The following FHIT variants were observed in gnomAD, a reference collection of about 807,000 sequenced individuals.
The protein encoded by FHIT is bis(5'-adenosyl)-triphosphatase.
FHIT carries 19 observed loss-of-function variants against 17.9 expected under a neutral mutation model. That is an observed-to-expected ratio of 1.06 (90% CI 0.74 to 1.56). FHIT has a LOEUF of 1.56. Ranked by LOEUF, FHIT falls within the 40% of genes most tolerant of loss-of-function variation. The probability of loss-of-function intolerance (pLI) is 0.00; values close to 1 mark genes in which losing one functional copy is unlikely to be tolerated. For missense variants in FHIT, 248 were observed against 189.2 expected, an observed-to-expected ratio of 1.31 and a Z score of -1.82; for synonymous variants, 81 against 69.7, an observed-to-expected ratio of 1.16 and a Z score of -0.81.
intron 1 of FHIT, among the ~76,000 whole-genome samples, chr3:61,212,080 T>C (rs1344244659): frequency 2.0e-5 from 3 of 152,170 alleles, no homozygotes; most frequent in African/African-American, 4.8e-5. Flanking sequence ...CTGGAAACTC[T>C]AAAAAGCAGA....
At position 60,383,565 on chromosome 3, in the gene FHIT, A is replaced by G. The variant is rs182041027; in HGVS notation, c.103+153295T>C. Among the ~76,000 whole-genome samples, 30 of 152,222 alleles carry G rather than the reference A, an allele frequency of 2.0e-4. No homozygotes were observed. In the East Asian group the frequency reaches 5.0e-3, roughly 26 times the overall value. On this transcript the variant is annotated intron_variant, in intron 5 of 9. Coordinates refer to ENST00000492590, the MANE Select transcript of FHIT (RefSeq NM_002012.4). ...AAGAATTATCCCACCCAAAATGTCA[A>G]CAACGCCAAGGTGAAAAAACCATGC...
intron 5 of FHIT, among the ~76,000 whole-genome samples, chr3:60,027,125 ACACACACACACACACACAC>A: frequency 7.6e-6 from 1 of 130,936 alleles, no homozygotes; most frequent in African/African-American, 3.2e-5. Context: ...ACACACACAC[ACACACACACACACACACAC>A]ACACAAAATT....
rs367828590 is a variant in FHIT, at chr3:60,494,174, A to T, written c.103+42686T>A. 1.5e-4 allele frequency among the ~76,000 whole-genome samples: 23 copies of T among 152,286 alleles called. No individual in the cohort carries two copies. The South Asian group carries it at 1.9e-3, about 12-fold the overall frequency. ...TTTCCAGAATGTTTTCATCATCCCA[A>T]AAGAAAACTCTGTGGCCATTACAGC... On this transcript the variant is annotated intron_variant, in intron 5 of 9. Coordinates refer to ENST00000492590, the MANE Select transcript of FHIT (RefSeq NM_002012.4).
intron 7 of FHIT, among the ~76,000 whole-genome samples, chr3:59,935,847 T>G (rs141173983): frequency 6.6e-6 from 1 of 152,182 alleles, no homozygotes; most frequent in East Asian, 1.9e-4. Flanking sequence ...AAGAAATATA[T>G]GCACTGATTT....
chr3:60,398,203 ACT>A (rs1701526801), intron 5 of FHIT, among the ~76,000 whole-genome samples: 1 of 151,782 alleles, frequency 6.6e-6, no homozygotes, highest in Non-Finnish European at 1.5e-5. Flanking sequence ...CAGTACATTA[ACT>A]CTCTTTCTCC....
intron 5 of FHIT, among the ~76,000 whole-genome samples, chr3:60,520,146 CTTGT>C (rs372723493): frequency 6.6e-6 from 1 of 152,054 alleles, no homozygotes; most frequent in Non-Finnish European, 1.5e-5. Flanking sequence ...AAATTTTAGG[CTTGT>C]TTGTGTTTAT....
intron 5 of FHIT, among the ~76,000 whole-genome samples, chr3:60,297,124 G>C (rs987736616): frequency 3.5e-4 from 53 of 151,920 alleles, no homozygotes; most frequent in African/African-American, 1.2e-3. Flanking sequence ...AGCTATTCTA[G>C]TTCCTGTGCC....
intron 5 of FHIT, among the ~76,000 whole-genome samples, chr3:60,065,599 T>A (rs986087991): frequency 9.8e-5 from 15 of 152,322 alleles, no homozygotes; most frequent in Admixed American, 7.8e-4. Context: ...CCCTTTGTTT[T>A]ACACAGCAAG....
intron 5 of FHIT, among the ~76,000 whole-genome samples, chr3:60,451,799 A>G (rs935346113): frequency 3.3e-5 from 5 of 152,182 alleles, no homozygotes; most frequent in African/African-American, 4.8e-5. Context: ...GGGAGATTGC[A>G]TAAGGACCAG....
intron 8 of FHIT, among the ~76,000 whole-genome samples, chr3:59,896,473 GTAGT>G (rs1303884667): frequency 6.6e-5 from 10 of 152,098 alleles, no homozygotes; most frequent in Non-Finnish European, 1.5e-4. Context: ...ATAATAGAGG[GTAGT>G]TAGTGTTCAT....
At chr3:59,814,074 A>ACACACACACC (rs761314894) in intron 8 of FHIT, among the ~76,000 whole-genome samples, 1 of 151,630 alleles carries the variant, frequency 6.6e-6, no homozygotes, top group Non-Finnish European at 1.5e-5. Context: ...ACACACACAC[A>ACACACACACC]CCCGACGGTG....
chr3:61,153,456 C>G (rs1294104746), intron 2 of FHIT, among the ~76,000 whole-genome samples: 1 of 151,780 alleles, frequency 6.6e-6, no homozygotes, highest in African/African-American at 2.4e-5. Context: ...GATAGTGAAC[C>G]CCCAGTTGGA....
Position 59,936,097 on chromosome 3 carries a change from T to A in FHIT, c.280-13683A>T, listed in dbSNP as rs114947475. On this transcript the variant is annotated intron_variant, in intron 7 of 9. Transcript: ENST00000492590. ...TAGCTTATCCTAAAAACAGTCAGCA[T>A]TGCAAGGGTTGCCAAGGGGATATAT... Among the ~76,000 whole-genome samples, 366 of 152,310 alleles carry A rather than the reference T, an allele frequency of 2.4e-3. 1 individual carries two copies. The highest frequency in any genetic ancestry group is 8.4e-3 in the African/African-American group (348 of 41,580).
rs1700659805 is a variant in FHIT, at chr3:59,747,286, A to T, written c.*2299T>A. 6.6e-6 allele frequency among the ~76,000 whole-genome samples: 1 copy of T among 152,146 alleles called. No individual in the cohort carries two copies. The highest frequency in any genetic ancestry group is 2.1e-4 in the South Asian group (1 of 4,822). On this transcript the variant is annotated 3_prime_UTR_variant, in exon 10 of 10. Transcript: ENST00000492590. ...CACACTCAAGACTGGGTAATTTATA[A>T]AGGAATGAGGTTTAATGGACTCGCA...
intron 5 of FHIT, among the ~76,000 whole-genome samples, chr3:60,388,562 C>T (rs1351760963): frequency 6.6e-6 from 1 of 152,186 alleles, no homozygotes; most frequent in Non-Finnish European, 1.5e-5. Flanking sequence ...GATCATGCCA[C>T]TACACTCCAG....
intron 5 of FHIT, among the ~76,000 whole-genome samples, chr3:60,332,538 G>T (rs1710034749): frequency 6.6e-6 from 1 of 152,136 alleles, no homozygotes; most frequent in African/African-American, 2.4e-5. Flanking sequence ...AGAGGGCTGT[G>T]GGATCTAGGA....
At chr3:59,855,837 G>A (rs1702132652) in intron 8 of FHIT, among the ~76,000 whole-genome samples, 3 of 150,826 alleles carry the variant, frequency 2.0e-5, no homozygotes. Flanking sequence ...CTGGAGTGCA[G>A]TGGCACTAAC....
intron 5 of FHIT, among the ~76,000 whole-genome samples, chr3:60,324,376 A>G (rs1278234275): frequency 6.6e-6 from 1 of 151,816 alleles, no homozygotes; most frequent in Non-Finnish European, 1.5e-5. Context: ...TGAGGTCAGG[A>G]GATGGAGACC....
intron 8 of FHIT, among the ~76,000 whole-genome samples, chr3:59,844,837 CTTTTA>C (rs1000799708): frequency 3.9e-5 from 6 of 152,166 alleles, no homozygotes; most frequent in African/African-American, 7.2e-5. Context: ...GAAGTGTTCC[CTTTTA>C]TTTAATTTTT....
Sources: gnomAD v4.1 joint callset for allele counts (sites outside exome capture counted in the v4.1 genomes callset) on GRCh38, gnomAD v4.1.1 for gene constraint, MANE v1.5 for transcripts, NCBI Gene and HGNC (gene_info 2026-07-23, HGNC 2026-07-21) for gene names.